The following RSBN1 variants were observed in gnomAD, a reference collection of about 807,000 sequenced individuals.
RSBN1 encodes the protein round spermatid basic protein 1, also known as lysine-specific demethylase 9.
Under a neutral mutation model 74.8 loss-of-function variants are expected in RSBN1, and 23 were observed. The ratio of observed to expected loss-of-function variants is 0.31; its 90% CI spans 0.22 to 0.44. RSBN1 has a LOEUF of 0.44. RSBN1 is among the 20% of genes least tolerant of loss of function. The probability of loss-of-function intolerance (pLI) is 1.00; values close to 1 mark genes in which losing one functional copy is unlikely to be tolerated. For synonymous variants in RSBN1, 407 were observed against 379.6 expected, an observed-to-expected ratio of 1.07 and a Z score of -0.84; for missense variants, 808 against 1,020.9, an observed-to-expected ratio of 0.79 and a Z score of 2.84.
chr1:113,780,036 A>G (rs926558775), intron 2 of RSBN1, among the ~76,000 whole-genome samples: 4 of 152,024 alleles, frequency 2.6e-5, no homozygotes, highest in Non-Finnish European at 5.9e-5. Flanking sequence ...AAAAAAAGAA[A>G]TATCAGTCTC....
chr1:113,777,172 A>G (rs775653937), intron 4 of RSBN1, 38 bp downstream of exon 4: 3 of 1,581,484 alleles, frequency 1.9e-6, no homozygotes, highest in Non-Finnish European at 2.6e-6. Context: ...CAACTAAAAA[A>G]AAGTAGTTTT....
rs1008728025 is a variant in RSBN1 at position 113,763,296 on chromosome 1, T to C, written c.*2684A>G. On this transcript the variant is annotated 3_prime_UTR_variant, in exon 7 of 7. Coordinates refer to ENST00000261441, the MANE Select transcript of RSBN1 (RefSeq NM_018364.5). ...CTGCTCCACAAAATATTAAAACTTA[T>C]AGCCACATTGTGCAAGTAATCTCAA... The C allele has an allele frequency of 5.9e-5, 9 of 152,748 alleles. No individual in the cohort carries two copies. Among genetic ancestry groups the C allele is most frequent in the African/African-American group, 2.2e-4 (9 of 41,458 alleles). 9.5% of individuals were successfully genotyped at this position (152,748 alleles called of 1,614,324 possible).
chr1:113,804,240 C>G (rs971173247), intron 1 of RSBN1, among the ~76,000 whole-genome samples: 9 of 152,152 alleles, frequency 5.9e-5, no homozygotes, highest in Admixed American at 1.3e-4. Flanking sequence ...CTCTTATCAT[C>G]TTGATTATCA....
chr1:113,782,461 G>A (rs781398323), intron 2 of RSBN1, among the ~76,000 whole-genome samples: 1 of 152,182 alleles, frequency 6.6e-6, no homozygotes, highest in Non-Finnish European at 1.5e-5. Context: ...ACAGACAGGA[G>A]GAAGAGTTAG....
At chr1:113,786,425 G>A (rs1557999176) in intron 2 of RSBN1, among the ~76,000 whole-genome samples, 1 of 152,188 alleles carries the variant, frequency 6.6e-6, no homozygotes, top group African/African-American at 2.4e-5. Context: ...ATCCTGAGAT[G>A]GGGAGAGTCT....
chr1:113,802,689 T>A (rs1258110504), intron 1 of RSBN1, among the ~76,000 whole-genome samples: 1 of 152,018 alleles, frequency 6.6e-6, no homozygotes, highest in Non-Finnish European at 1.5e-5. Context: ...AACTTTTTTT[T>A]CCCTAAGCCT....
chr1:113,778,575 C>T (rs1660078932), intron 2 of RSBN1, among the ~76,000 whole-genome samples: 1 of 152,132 alleles, frequency 6.6e-6, no homozygotes, highest in Non-Finnish European at 1.5e-5. Context: ...TTTAGGAGTA[C>T]AGGTGTGAGC....
intron 2 of RSBN1, chr1:113,796,185 C>T (rs889377694): frequency 6.6e-6 from 1 of 152,056 alleles, no homozygotes; most frequent in Non-Finnish European, 1.5e-5. Context: ...CACTTCGGTA[C>T]CTGGTTGTGG....
intron 2 of RSBN1, among the ~76,000 whole-genome samples, chr1:113,781,126 C>T (rs1468064560): frequency 1.3e-5 from 2 of 152,178 alleles, no homozygotes; most frequent in African/African-American, 4.8e-5. Context: ...CACCTCTGGA[C>T]TTTTCCATTC....
rs1659700363 is a variant in RSBN1 at position 113,762,623 on chromosome 1, G to A, written c.*3357C>T. The A allele has an allele frequency of 6.5e-6, 1 of 152,702 alleles. No homozygotes were observed. The highest frequency in any genetic ancestry group is 2.4e-5 in the African/African-American group (1 of 41,446). The allele number at this position is 152,702 out of a possible 1,614,324, so 9.5% of individuals were successfully genotyped here. A position where few individuals can be genotyped will look rare whatever the true frequency, so the allele number is the denominator to read the frequency against. ...TAAATTTTTTATGGCAAATACAGAT[G>A]AAAATATAATGGGCTAATTTATTAA... On this transcript the variant is annotated 3_prime_UTR_variant, in exon 7 of 7. Coordinates refer to ENST00000261441, the MANE Select transcript of RSBN1 (RefSeq NM_018364.5).
At chr1:113,793,049 A>G (rs1490046761) in intron 2 of RSBN1, among the ~76,000 whole-genome samples, 1 of 152,232 alleles carries the variant, frequency 6.6e-6, no homozygotes, top group Non-Finnish European at 1.5e-5. Flanking sequence ...AAATATAAAA[A>G]TAACAGAAGT....
chr1:113,779,111 T>A (rs751247500), intron 2 of RSBN1, among the ~76,000 whole-genome samples: 11 of 152,196 alleles, frequency 7.2e-5, no homozygotes, highest in Non-Finnish European at 1.6e-4. Flanking sequence ...TCTGTTAAAA[T>A]GCAGATTAAA....
intron 4 of RSBN1, among the ~76,000 whole-genome samples, chr1:113,776,438 C>T (rs1345071543): frequency 6.6e-6 from 1 of 152,170 alleles, no homozygotes; most frequent in Non-Finnish European, 1.5e-5. Context: ...GAGTCCTGGG[C>T]TCAACTGATC....
chr1:113,764,895 T>C lies in RSBN1; in HGVS notation c.*1085A>G, dbSNP rs760452347. ...AAAGAAAATTTAAATACTCAGGCACTAAGCATTAGCCTACCTGAAACTCTA... is the reference window on the plus strand; with the variant it reads ...AAAGAAAATTTAAATACTCAGGCACCAAGCATTAGCCTACCTGAAACTCTA... On this transcript the variant is annotated 3_prime_UTR_variant, in exon 7 of 7. Transcript: ENST00000261441. 2 of 152,298 alleles carry C rather than the reference T, an allele frequency of 1.3e-5. No individual in the cohort carries two copies. The highest frequency in any genetic ancestry group is 2.9e-5 in the Non-Finnish European group (2 of 68,012). The allele number at this position is 152,298 out of a possible 1,614,324, so 9.4% of individuals were successfully genotyped here. A position where few individuals can be genotyped will look rare whatever the true frequency, so the allele number is the denominator to read the frequency against.
chr1:113,811,369 T>A (rs1175919610), intron 1 of RSBN1, among the ~76,000 whole-genome samples: 1 of 151,970 alleles, frequency 6.6e-6, no homozygotes, highest in Non-Finnish European at 1.5e-5. Context: ...GGAGAAGGGA[T>A]TTTAGGAACA....
chr1:113,777,917 G>C (rs1660062053), intron 2 of RSBN1, 109 bp from the exon 3 acceptor site: 1 of 1,021,344 alleles, frequency 9.8e-7, no homozygotes, highest in African/African-American at 1.6e-5. Context: ...TACAAACTAA[G>C]AACTGAATGG....
intron 2 of RSBN1, among the ~76,000 whole-genome samples, chr1:113,793,828 A>T (rs973055496): frequency 6.6e-6 from 1 of 151,998 alleles, no homozygotes; most frequent in Non-Finnish European, 1.5e-5. Flanking sequence ...CCACCATGTC[A>T]GCTAATTTTT....
chr1:113,768,047 C>G (rs1244547915), intron 5 of RSBN1, 175 bp downstream of exon 5: 1 of 482,518 alleles, frequency 2.1e-6, no homozygotes, highest in East Asian at 3.2e-5. Flanking sequence ...AGCTCTGTTT[C>G]GTAACAATGT....
intron 4 of RSBN1, 110 bp from the exon 5 acceptor site, chr1:113,768,499 A>G: frequency 2.9e-6 from 2 of 701,192 alleles, no homozygotes; most frequent in South Asian, 4.1e-5. Flanking sequence ...CCAGATTTAA[A>G]TAAGATGAGG....
Sources: allele counts gnomAD v4.1 joint callset (sites outside exome capture counted in the v4.1 genomes callset), GRCh38; gene constraint gnomAD v4.1.1; transcripts MANE v1.5; gene names NCBI Gene and HGNC (gene_info 2026-07-23, HGNC 2026-07-21).